The following GALNT13 variants were observed in gnomAD, a reference collection of about 807,000 sequenced individuals.
GALNT13 encodes the protein UDP-GalNAc:polypeptide N-acetylgalactosaminyltransferase 13.
A neutral mutation model predicts 64.2 loss-of-function variants in GALNT13; 28 were observed. The ratio of observed to expected loss-of-function variants is 0.44; its 90% confidence interval spans 0.32 to 0.60. GALNT13 has a LOEUF of 0.60. Among genes scored for constraint, GALNT13 ranks in the 20% least tolerant of loss-of-function variants. GALNT13 has a pLI of 0.05. For synonymous variants in GALNT13, 214 were observed against 224.6 expected (o/e 0.95, Z 0.42); for missense variants, 577 against 669.8 (o/e 0.86, Z 1.53).
At chr2:154,346,953 C>T (rs1696102263) in intron 9 of GALNT13, among the ~76,000 whole-genome samples, 1 of 151,994 alleles carries the variant, frequency 6.6e-6, no homozygotes, top group Non-Finnish European at 1.5e-5. Context: ...GTGTTCTCAT[C>T]CTGGTATGAA....
At chr2:153,896,582 T>G (rs1687912158) in intron 1 of GALNT13, among the ~76,000 whole-genome samples, 1 of 152,000 alleles carries the variant, frequency 6.6e-6, no homozygotes, top group African/African-American at 2.4e-5. Flanking sequence ...TTTTTCTGAT[T>G]TATTTATTTT....
At chr2:154,427,330 A>ACC (rs1370002881) in intron 11 of GALNT13, among the ~76,000 whole-genome samples, 1 of 152,210 alleles carries the variant, frequency 6.6e-6, no homozygotes, top group Non-Finnish European at 1.5e-5. Context: ...CAGATATGAT[A>ACC]CCTACCTGCG....
chr2:154,403,411 A>T (rs1699386900), intron 10 of GALNT13, among the ~76,000 whole-genome samples: 1 of 151,942 alleles, frequency 6.6e-6, no homozygotes. Flanking sequence ...ATCTGAGATC[A>T]CACTGCTGCA....
At chr2:153,102,034 G>GT in the GALNT13 span, among the ~76,000 whole-genome samples, 2 of 152,074 alleles carry the variant, frequency 1.3e-5, no homozygotes, top group Non-Finnish European at 2.9e-5. Context: ...TGCATTTTGT[G>GT]TTTTTTGTTA....
chr2:153,847,831 A>G, the GALNT13 span, among the ~76,000 whole-genome samples: 1 of 152,168 alleles, frequency 6.6e-6, no homozygotes, highest in African/African-American at 2.4e-5. Context: ...AAGAAGTACA[A>G]TATTGGAGAG....
chr2:154,329,694 G>A (rs1320166557), intron 9 of GALNT13, among the ~76,000 whole-genome samples: 2 of 151,984 alleles, frequency 1.3e-5, no homozygotes, highest in Non-Finnish European at 2.9e-5. Flanking sequence ...TGGGTCATGG[G>A]GGTGTATCCC....
chr2:154,336,467 A>G (rs1162991472), intron 9 of GALNT13, among the ~76,000 whole-genome samples: 8 of 152,114 alleles, frequency 5.3e-5, no homozygotes, highest in Admixed American at 1.3e-4. Flanking sequence ...CAAATCATCA[A>G]TAGGGCTCAT....
chr2:153,770,846 G>T, the GALNT13 span, among the ~76,000 whole-genome samples: 1 of 152,178 alleles, frequency 6.6e-6, no homozygotes, highest in Non-Finnish European at 1.5e-5. Flanking sequence ...GTTCCCAAAT[G>T]GTAGGCATAG....
the GALNT13 span, among the ~76,000 whole-genome samples, chr2:153,475,650 C>G: frequency 6.6e-6 from 1 of 152,172 alleles, no homozygotes; most frequent in Non-Finnish European, 1.5e-5. Context: ...CTCCGCGTGT[C>G]TGAAACTCTA....
At chr2:153,073,119 G>A in the GALNT13 span, among the ~76,000 whole-genome samples, 1 of 152,082 alleles carries the variant, frequency 6.6e-6, no homozygotes, top group Admixed American at 6.6e-5. Context: ...TACGCGCTTT[G>A]AAATACAATA....
chr2:154,304,757 T>C (rs1445904285), intron 9 of GALNT13, among the ~76,000 whole-genome samples: 2 of 152,350 alleles, frequency 1.3e-5, no homozygotes, highest in East Asian at 3.9e-4. Flanking sequence ...TACATTACAA[T>C]AAATAATATT....
At chr2:153,521,293 T>TC in the GALNT13 span, among the ~76,000 whole-genome samples, 2 of 152,130 alleles carry the variant, frequency 1.3e-5, no homozygotes, top group Non-Finnish European at 2.9e-5. Context: ...TTTTTTTTTT[T>TC]CCTAATGGAA....
intron 9 of GALNT13, among the ~76,000 whole-genome samples, chr2:154,351,960 T>G (rs1230529215): frequency 6.6e-6 from 1 of 152,182 alleles, no homozygotes. Flanking sequence ...ACTAGATGTT[T>G]TAGGAAATCT....
chr2:153,193,584 C>G, the GALNT13 span, among the ~76,000 whole-genome samples: 1 of 151,568 alleles, frequency 6.6e-6, no homozygotes, highest in African/African-American at 2.4e-5. Context: ...TACCCTAAAA[C>G]TTAAAGTATA....
intron 10 of GALNT13, among the ~76,000 whole-genome samples, chr2:154,400,264 C>CA (rs1379633272): frequency 7.2e-5 from 11 of 152,078 alleles, no homozygotes; most frequent in Non-Finnish European, 5.9e-5. Context: ...TAATTAGAGT[C>CA]CCAAAGCAAT....
the GALNT13 span, among the ~76,000 whole-genome samples, chr2:153,592,687 G>A: frequency 6.6e-6 from 1 of 152,140 alleles, no homozygotes; most frequent in Non-Finnish European, 1.5e-5. Flanking sequence ...CAATGGATAA[G>A]GACCCACAGA....
the GALNT13 span, among the ~76,000 whole-genome samples, chr2:153,156,591 A>G: frequency 0.074 from 11,312 of 152,228 alleles, 1,557 homozygotes; most frequent in East Asian, 0.6. Flanking sequence ...TAGATTTGAT[A>G]TATGTCATGT....
chr2:153,458,011 A>G, the GALNT13 span, among the ~76,000 whole-genome samples: 1 of 152,168 alleles, frequency 6.6e-6, no homozygotes, highest in Non-Finnish European at 1.5e-5. Flanking sequence ...TTGTTCAATT[A>G]CAAACGGCTC....
chr2:154,104,211 A>G (rs1863087), intron 3 of GALNT13, among the ~76,000 whole-genome samples: 10 of 140,422 alleles, frequency 7.1e-5, no homozygotes, highest in African/African-American at 1.3e-4. Context: ...GGGTGGGGGG[A>G]TGGTGGGGAG....
Sources: allele counts gnomAD v4.1 joint callset (sites outside exome capture counted in the v4.1 genomes callset), GRCh38; gene constraint gnomAD v4.1.1; transcripts MANE v1.5; gene names NCBI Gene and HGNC (gene_info 2026-07-23, HGNC 2026-07-21).